The following RPTOR variants were observed in gnomAD, a reference collection of about 807,000 sequenced individuals.
RPTOR encodes regulatory associated protein of MTOR complex 1.
A neutral mutation model predicts 169.9 loss-of-function variants in RPTOR; 21 were observed. That is an observed-to-expected ratio of 0.12 (90% confidence interval 0.09 to 0.18). The LOEUF is 0.18. Among genes scored for constraint, RPTOR ranks in the 10% least tolerant of loss-of-function variants. The pLI, the probability that RPTOR is intolerant of heterozygous loss-of-function variation, is 1.00. For synonymous variants in RPTOR, 732 were observed against 753.2 expected (o/e 0.97, Z 0.46); for missense variants, 1,133 against 1,855.9 (o/e 0.61, Z 7.16).
intron 20 of RPTOR, among the ~76,000 whole-genome samples, chr17:80,902,384 G>T (rs748156036): frequency 6.6e-6 from 1 of 152,210 alleles, no homozygotes; most frequent in East Asian, 1.9e-4. Context: ...CCCCTGGCCC[G>T]GCCCCTCTGC....
chr17:80,822,324 G>C, intron 8 of RPTOR, 23 bp downstream of exon 8: 1 of 1,611,460 alleles, frequency 6.2e-7, no homozygotes, highest in Non-Finnish European at 8.5e-7. Context: ...CCGGGCCTTG[G>C]GGAGGGAGGC....
Position 80,957,800 on chromosome 17 carries a change from G to A in RPTOR, c.3477+70G>A. ...GTGTGCAGGGCTGGTCCTCGTCACA[G>A]AACCCAGCAAAGTGTGCGGTGAGGC... On this transcript the variant is annotated intron_variant, in intron 29 of 33. Coordinates refer to ENST00000306801, the MANE Select transcript of RPTOR (RefSeq NM_020761.3). This position sits in a 1 kb window ranked among gnomAD's most constrained non-coding sequence, Gnocchi z 4.6. 7.0e-7 allele frequency: 1 copy of A among 1,427,830 alleles called. No homozygotes were observed. The highest frequency in any genetic ancestry group is 2.3e-5 in the East Asian group (1 of 43,800). 88.4% of individuals were successfully genotyped at this position (1,427,830 alleles called of 1,614,324 possible). A position where few individuals can be genotyped will look rare whatever the true frequency, so the allele number is the denominator to read the frequency against.
At chr17:80,883,062 G>A (rs1353046575) in intron 14 of RPTOR, among the ~76,000 whole-genome samples, 1 of 152,176 alleles carries the variant, frequency 6.6e-6, no homozygotes, top group Non-Finnish European at 1.5e-5. Flanking sequence ...TTGCAGGACC[G>A]TGTGCTCACA....
At chr17:80,779,060 G>A (rs749983907) in intron 6 of RPTOR, among the ~76,000 whole-genome samples, 36 of 152,186 alleles carry the variant, frequency 2.4e-4, no homozygotes, top group Non-Finnish European at 4.7e-4. Flanking sequence ...TGGAGAAGCC[G>A]TGCTGTTAAT....
chr17:80,955,595 A>G (rs2069237603), intron 28 of RPTOR, among the ~76,000 whole-genome samples: 1 of 152,258 alleles, frequency 6.6e-6, no homozygotes, highest in African/African-American at 2.4e-5. Context: ...CACGGTTGTA[A>G]TGTAAGTGGC....
chr17:80,961,443 C>T lies in RPTOR; in HGVS notation c.3655C>T (p.Leu1219=). The T allele has an allele frequency of 6.4e-7, 1 of 1,551,780 alleles. No homozygotes were observed. The highest frequency in any genetic ancestry group is 1.4e-5 in the African/African-American group (1 of 73,244). ...CACAGCCTGGGTGGTGAAGGCCTCC[C>T]TGCAGAAGCGTCCCGACGGCCACAT... ...EHTAWVVKAS[L]QKRPDGHIVS... Residue 1219 remains leucine (L), a synonymous_variant, in exon 31 of 34, where the codon CTG becomes TTG. Transcript: ENST00000306801.
intron 1 of RPTOR, among the ~76,000 whole-genome samples, chr17:80,581,889 G>A (rs1195583353): frequency 6.6e-6 from 1 of 152,244 alleles, no homozygotes; most frequent in African/African-American, 2.4e-5. Context: ...TGGCCAAGGG[G>A]AGTGATCTAG....
chr17:80,902,964 A>G (rs2068495157), intron 20 of RPTOR, among the ~76,000 whole-genome samples: 1 of 152,242 alleles, frequency 6.6e-6, no homozygotes, highest in African/African-American at 2.4e-5. Flanking sequence ...TCCCGCAGAA[A>G]CAGCCTCATC....
At chr17:80,598,520 C>T (rs541897827) in intron 1 of RPTOR, among the ~76,000 whole-genome samples, 1 of 152,212 alleles carries the variant, frequency 6.6e-6, no homozygotes, top group Non-Finnish European at 1.5e-5. Context: ...TGAAGGTCAT[C>T]TGCAGTTTTT....
intron 14 of RPTOR, among the ~76,000 whole-genome samples, chr17:80,880,861 G>A (rs531666884): frequency 1.3e-5 from 2 of 152,266 alleles, no homozygotes; most frequent in African/African-American, 4.8e-5. Flanking sequence ...GAGTTCAGGC[G>A]CCTGGGAAGG....
intron 1 of RPTOR, among the ~76,000 whole-genome samples, chr17:80,548,256 G>A (rs2084301870): frequency 2.0e-5 from 3 of 151,176 alleles, no homozygotes; most frequent in African/African-American, 7.3e-5. Context: ...GGGTTGGGGA[G>A]TCTCACTGTG....
At chr17:80,937,683 C>T (rs1057141300) in intron 24 of RPTOR, among the ~76,000 whole-genome samples, 1 of 152,194 alleles carries the variant, frequency 6.6e-6, no homozygotes, top group Non-Finnish European at 1.5e-5. Context: ...TACTGAAAAG[C>T]CTTTATTCAG....
chr17:80,863,872 A>G (rs894325579), intron 13 of RPTOR, among the ~76,000 whole-genome samples: 2 of 152,212 alleles, frequency 1.3e-5, no homozygotes, highest in Non-Finnish European at 2.9e-5. Context: ...AAGAGCCGTG[A>G]TTGTGCCATG....
At chr17:80,822,025 A>C (rs1219107188) in intron 7 of RPTOR, among the ~76,000 whole-genome samples, 176 bp from the exon 8 acceptor site, 1 of 152,182 alleles carries the variant, frequency 6.6e-6, no homozygotes, top group African/African-American at 2.4e-5. Flanking sequence ...TTGAGCTCTG[A>C]GCTGTGAGCT....
rs551188853 is a variant in RPTOR at position 80,556,042 on chromosome 17, A to G, written c.162+10251A>G. 1.9e-4 allele frequency among the ~76,000 whole-genome samples: 29 copies of G among 150,528 alleles called. No individual in the cohort carries two copies. The East Asian group carries it at 5.6e-3, about 29-fold the overall frequency. Reference sequence around the variant, plus strand: ...AAGTTTTTTGTTTTTTTTTTCTTAAATCTAGGTAGATACTTTGTGGTTCCC... The same window carrying G: ...AAGTTTTTTGTTTTTTTTTTCTTAAGTCTAGGTAGATACTTTGTGGTTCCC... On this transcript the variant is annotated intron_variant, in intron 1 of 33. Coordinates refer to ENST00000306801, the MANE Select transcript of RPTOR (RefSeq NM_020761.3).
intron 1 of RPTOR, among the ~76,000 whole-genome samples, chr17:80,622,682 G>A (rs1000547513): frequency 6.6e-6 from 1 of 152,160 alleles, no homozygotes; most frequent in African/African-American, 2.4e-5. Flanking sequence ...CTGGTGGATC[G>A]CTTGAACTCA....
Position 80,548,383 on chromosome 17 carries a change from T to G in RPTOR, c.162+2592T>G, listed in dbSNP as rs1437494964. Among the ~76,000 whole-genome samples the G allele has an allele frequency of 1.3e-4, 19 of 141,258 alleles. No homozygotes were observed. In the East Asian group the frequency reaches 3.1e-3, roughly 23 times the overall value. The allele number at this position is 141,258 out of a possible 152,430, so 92.7% of individuals were successfully genotyped here. ...TCAGCCTGGGGTGGTTTTTTTTTTT[T>G]TTTTTTTTTTTTTTTGAGATGGAGT... On this transcript the variant is annotated intron_variant, in intron 1 of 33. Transcript: ENST00000306801.
intron 5 of RPTOR, among the ~76,000 whole-genome samples, chr17:80,742,283 A>G (rs1303645171): frequency 2.0e-5 from 3 of 152,100 alleles, no homozygotes; most frequent in African/African-American, 7.2e-5. Context: ...GCGGCCCTTA[A>G]GTAGGTGTGA....
At chr17:80,558,382 C>G (rs2143242468) in intron 1 of RPTOR, among the ~76,000 whole-genome samples, 1 of 152,288 alleles carries the variant, frequency 6.6e-6, no homozygotes, top group Middle Eastern at 3.4e-3. Context: ...AGAGGCCGAA[C>G]AGGAAACAGC....
Sources: allele counts gnomAD v4.1 joint callset (sites outside exome capture counted in the v4.1 genomes callset), GRCh38; gene constraint gnomAD v4.1.1; non-coding constraint Gnocchi (gnomAD v3.1); transcripts MANE v1.5; gene names NCBI Gene and HGNC (gene_info 2026-07-23, HGNC 2026-07-21).